DPP10: variants seen among roughly 807,000 people sequenced by gnomAD.
DPP10 encodes dipeptidyl peptidase like 10.
DPP10 carries 33 observed loss-of-function variants against 120.9 expected under a neutral mutation model. The observed-to-expected ratio is 0.27, with a 90% CI of 0.21 to 0.37. DPP10 has a LOEUF of 0.37. Ranked by LOEUF, DPP10 falls within the 10% of genes least tolerant of loss-of-function variation. The pLI is 1.00. For missense variants in DPP10, 816 were observed against 942.8 expected, an observed-to-expected ratio of 0.87 and a Z score of 1.76; for synonymous variants, 337 against 326.1, an observed-to-expected ratio of 1.03 and a Z score of -0.36.
chr2:114,497,284 T>C (rs1159688422), intron 1 of DPP10, among the ~76,000 whole-genome samples: 1 of 64,994 alleles, frequency 1.5e-5, no homozygotes, highest in African/African-American at 5.5e-5. Context: ...TGTATACGTG[T>C]ATACATGTAC....
chr2:115,461,239 T>A (rs1202672771), intron 3 of DPP10, among the ~76,000 whole-genome samples: 1 of 152,078 alleles, frequency 6.6e-6, no homozygotes. Context: ...ACCTAGTGAC[T>A]AAAAGGGCAT....
intron 1 of DPP10, among the ~76,000 whole-genome samples, chr2:114,857,942 C>T (rs942821113): frequency 6.6e-5 from 10 of 152,086 alleles, no homozygotes; most frequent in Admixed American, 6.6e-4. Flanking sequence ...CCACTTATTG[C>T]CCATGTGACC....
At chr2:114,568,043 A>G (rs1250903520) in intron 1 of DPP10, among the ~76,000 whole-genome samples, 1 of 116,296 alleles carries the variant, frequency 8.6e-6, no homozygotes, top group African/African-American at 3.2e-5. Flanking sequence ...AGAGAGAGAG[A>G]TACTGTAAAA....
intron 5 of DPP10, among the ~76,000 whole-genome samples, chr2:115,630,516 C>G (rs2085763315): frequency 6.6e-6 from 1 of 152,106 alleles, no homozygotes; most frequent in Admixed American, 6.5e-5. Context: ...AGCTTTTGCC[C>G]TTTCAATATG....
At position 115,301,468 on chromosome 2, in the gene DPP10, C is replaced by CT. The variant is rs5833587; in HGVS notation, c.61-7751dup. ...GAGAAAAATACTGGAAAGTGGGCTACTTTTTTTTTTTTTTTTTTTTAACTG... is the reference window on the plus strand; with the variant it reads ...GAGAAAAATACTGGAAAGTGGGCTACTTTTTTTTTTTTTTTTTTTTTAACTG... On this transcript the variant is annotated intron_variant, in intron 1 of 25. Transcript: ENST00000410059. 5.4e-3 allele frequency among the ~76,000 whole-genome samples: 740 copies of CT among 135,934 alleles called. 3 individuals are homozygous for CT. Among genetic ancestry groups the CT allele is most frequent in the African/African-American group, 0.017 (608 of 36,814 alleles). The allele number at this position is 135,934 out of a possible 152,430, so 89.2% of individuals were successfully genotyped here.
At chr2:114,497,499 A>G (rs58575586) in intron 1 of DPP10, among the ~76,000 whole-genome samples, 2,236 of 150,160 alleles carry the variant, frequency 0.015, 67 homozygotes, top group African/African-American at 0.053. Context: ...TGAACCATAA[A>G]CTAGAATGAT....
rs144652531 is a variant in DPP10, at chr2:115,811,151, C to G, written c.1701-3642C>G. On this transcript the variant is annotated intron_variant, in intron 19 of 25. Transcript: ENST00000410059. ...TCCTTATAATGCCAATGATTAGCAT[C>G]ATAATCCATGTTCTTTTAAGTGTAT... Among the ~76,000 whole-genome samples, 809 of 152,270 alleles carry G rather than the reference C, an allele frequency of 5.3e-3. 11 individuals are homozygous for G. The highest frequency in any genetic ancestry group is 0.019 in the African/African-American group (779 of 41,556).
intron 1 of DPP10, among the ~76,000 whole-genome samples, chr2:115,125,568 CT>C (rs57686926): frequency 0.051 from 5,698 of 112,006 alleles, 65 homozygotes; most frequent in East Asian, 0.15. Flanking sequence ...ATCATAATGG[CT>C]TTTTTTTTTT....
intron 3 of DPP10, among the ~76,000 whole-genome samples, 189 bp downstream of exon 3, chr2:115,344,101 A>C (rs1454987079): frequency 4.7e-5 from 7 of 147,596 alleles, no homozygotes; most frequent in Admixed American, 4.2e-4. Flanking sequence ...GCACCACTGC[A>C]CTCCAACCTG....
chr2:114,704,634 G>A (rs1338645575), intron 1 of DPP10, among the ~76,000 whole-genome samples: 6 of 152,034 alleles, frequency 3.9e-5, no homozygotes, highest in Non-Finnish European at 8.8e-5. Flanking sequence ...TTTGCAATTT[G>A]GTTTTTAAAC....
At chr2:114,632,787 C>T (rs1251299068) in intron 1 of DPP10, among the ~76,000 whole-genome samples, 2 of 152,138 alleles carry the variant, frequency 1.3e-5, no homozygotes, top group African/African-American at 4.8e-5. Flanking sequence ...GCTGGGATTA[C>T]AGGCGTGAGC....
intron 1 of DPP10, among the ~76,000 whole-genome samples, chr2:114,728,278 C>G (rs930843392): frequency 6.6e-6 from 1 of 152,192 alleles, no homozygotes; most frequent in Non-Finnish European, 1.5e-5. Context: ...ACTTTCTGCT[C>G]TAGGTCAAGA....
At chr2:115,701,262 T>C (rs2091876918) in intron 7 of DPP10, among the ~76,000 whole-genome samples, 1 of 151,980 alleles carries the variant, frequency 6.6e-6, no homozygotes, top group Non-Finnish European at 1.5e-5. Context: ...TATAGACCAA[T>C]GGAAAAGAAG....
chr2:115,129,125 A>C (rs1247960514), intron 1 of DPP10, among the ~76,000 whole-genome samples: 1 of 152,156 alleles, frequency 6.6e-6, no homozygotes, highest in Non-Finnish European at 1.5e-5. Context: ...TTTCAAACTC[A>C]GGCTTCCTGT....
At chr2:115,623,237 T>C (rs2085107682) in intron 5 of DPP10, among the ~76,000 whole-genome samples, 1 of 152,108 alleles carries the variant, frequency 6.6e-6, no homozygotes, top group Admixed American at 6.5e-5. Context: ...TCCTAAAATA[T>C]TTATTTTCTG....
At chr2:114,539,699 A>T (rs1462412080) in intron 1 of DPP10, among the ~76,000 whole-genome samples, 1 of 152,204 alleles carries the variant, frequency 6.6e-6, no homozygotes, top group Non-Finnish European at 1.5e-5. Flanking sequence ...AGCACATCAT[A>T]CTGCACCTGG....
At chr2:115,689,000 G>A (rs2149494462) in intron 5 of DPP10, among the ~76,000 whole-genome samples, 1 of 152,208 alleles carries the variant, frequency 6.6e-6, no homozygotes, top group East Asian at 1.9e-4. Context: ...ATATAAACAT[G>A]GCACTGTGCT....
At chr2:115,723,038 C>T (rs970233460) in intron 7 of DPP10, among the ~76,000 whole-genome samples, 25 of 152,074 alleles carry the variant, frequency 1.6e-4, no homozygotes, top group African/African-American at 5.8e-4. Context: ...CAGAGGCTTC[C>T]GGTTTCTGAC....
rs556142027 is a variant in DPP10, at chr2:115,750,972, C to T, written c.951-2202C>T. On this transcript the variant is annotated intron_variant, in intron 10 of 25. Coordinates refer to ENST00000410059, the MANE Select transcript of DPP10 (RefSeq NM_020868.6). ...TGTTAGTTTGTTACCTCATATTGCA[C>T]AAAATATAATATTATGGCAGGTAAT... 3.9e-5 allele frequency among the ~76,000 whole-genome samples: 6 copies of T among 151,994 alleles called. No homozygotes were observed. The East Asian group carries it at 1.2e-3, about 29-fold the overall frequency.
Sources: allele counts gnomAD v4.1 joint callset (sites outside exome capture counted in the v4.1 genomes callset), GRCh38; gene constraint gnomAD v4.1.1; transcripts MANE v1.5; gene names NCBI Gene and HGNC (gene_info 2026-07-23, HGNC 2026-07-21).